Variants in NWD1 observed in about 807,000 individuals in gnomAD.
NWD1 encodes NACHT domain- and WD repeat-containing protein 1.
NWD1 carries 129 observed loss-of-function variants against 135.1 expected under a neutral mutation model. The ratio of observed to expected loss-of-function variants is 0.96; its 90% CI spans 0.83 to 1.11. The LOEUF is 1.11. Among genes scored for constraint, NWD1 ranks in the 50% least tolerant of loss-of-function variants. The pLI is 0.00. For synonymous variants in NWD1, 773 were observed against 786.0 expected (o/e 0.98, Z 0.28); for missense variants, 1,740 against 1,851.3 (o/e 0.94, Z 1.10).
At chr19:16,798,711 C>T (rs917592843) in intron 16 of NWD1, among the ~76,000 whole-genome samples, 2 of 152,152 alleles carry the variant, frequency 1.3e-5, no homozygotes, top group Non-Finnish European at 2.9e-5. Flanking sequence ...ACTGCAACCT[C>T]GACCTCCTGG....
In NWD1 at chr19:16,807,680, G is replaced by C. The variant is rs147149886; in HGVS notation, c.3831G>C (p.Gly1277=). The change falls in exon 18 of 19, where the codon GGG becomes GGC. Residue 1277 remains glycine (G), a synonymous_variant. Coordinates refer to ENST00000524140, the MANE Select transcript of NWD1 (RefSeq NM_001007525.5). ...TCCTATTTACGGGCCTCGTGTCGGG[G>C]GTCGTCCTTGTGTTCCCCCTGAATT... ...RKLLFTGLVS[G]VVLVFPLNSR... 5.5e-5 allele frequency: 89 copies of C among 1,611,748 alleles called. No homozygotes were observed. The African/African-American group carries it at 1.1e-3, about 20-fold the overall frequency.
At chr19:16,796,652 C>T (rs1970425513) in intron 15 of NWD1, among the ~76,000 whole-genome samples, 1 of 152,122 alleles carries the variant, frequency 6.6e-6, no homozygotes, top group Admixed American at 6.6e-5. Context: ...CTTCTTCCTT[C>T]CTTCTTCCCC....
At chr19:16,799,441 G>A (rs943267462) in intron 16 of NWD1, among the ~76,000 whole-genome samples, 5 of 152,102 alleles carry the variant, frequency 3.3e-5, no homozygotes, top group Non-Finnish European at 4.4e-5. Context: ...TGATCCACCC[G>A]CCTCAGCCTT....
intron 12 of NWD1, among the ~76,000 whole-genome samples, chr19:16,787,908 ATCATCATC>A (rs1568380819): frequency 0.11 from 11,784 of 102,994 alleles, 570 homozygotes; most frequent in Non-Finnish European, 0.14. Context: ...AATAATAATC[ATCATCATC>A]ATCATCATCA....
chr19:16,766,723 C>G (rs935788665), intron 10 of NWD1, among the ~76,000 whole-genome samples: 4 of 152,050 alleles, frequency 2.6e-5, no homozygotes, highest in Non-Finnish European at 5.9e-5. Context: ...GTAGCTGAGA[C>G]TACTGACATG....
intron 12 of NWD1, among the ~76,000 whole-genome samples, chr19:16,781,444 C>T (rs1194343958): frequency 1.3e-5 from 2 of 152,046 alleles, no homozygotes; most frequent in African/African-American, 2.4e-5. Context: ...GGTGAACCCA[C>T]ATCTCTACAA....
At chr19:16,738,898 A>T (rs1217669950) in intron 4 of NWD1, among the ~76,000 whole-genome samples, 2 of 124,888 alleles carry the variant, frequency 1.6e-5, no homozygotes, top group Non-Finnish European at 1.6e-5. Flanking sequence ...ATATATATAT[A>T]TTTCACTCCT....
At chr19:16,782,494 TG>T (rs1969891151) in intron 12 of NWD1, among the ~76,000 whole-genome samples, 1 of 150,152 alleles carries the variant, frequency 6.7e-6, no homozygotes, top group South Asian at 2.1e-4. Context: ...GAAAAATGGG[TG>T]GGGGTGGAGA....
intron 6 of NWD1, among the ~76,000 whole-genome samples, chr19:16,756,191 G>A (rs1568356355): frequency 6.6e-6 from 1 of 152,140 alleles, no homozygotes; most frequent in Non-Finnish European, 1.5e-5. Flanking sequence ...GGCGGAGGTT[G>A]CAGTGAGCCT....
At chr19:16,776,769 AAGTT>A (rs931565920) in intron 11 of NWD1, among the ~76,000 whole-genome samples, 1 of 143,168 alleles carries the variant, frequency 7.0e-6, no homozygotes, top group Non-Finnish European at 1.5e-5. Flanking sequence ...CCTCTACAAA[AAGTT>A]AAAAAAAAAA....
intron 8 of NWD1, among the ~76,000 whole-genome samples, chr19:16,763,294 T>C (rs949593051): frequency 1.3e-5 from 2 of 152,110 alleles, no homozygotes; most frequent in South Asian, 2.1e-4. Context: ...TGATTATGCC[T>C]CTTGTCTAAA....
intron 4 of NWD1, among the ~76,000 whole-genome samples, chr19:16,743,407 C>T (rs1968167000): frequency 6.6e-6 from 1 of 151,878 alleles, no homozygotes; most frequent in African/African-American, 2.4e-5. Context: ...TGGGGTCTCA[C>T]TATGTTGCCC....
chr19:16,741,068 G>A (rs572373171), intron 4 of NWD1, among the ~76,000 whole-genome samples: 57 of 152,270 alleles, frequency 3.7e-4, no homozygotes, highest in African/African-American at 1.3e-3. Flanking sequence ...GCTGAGGCAG[G>A]AGAATCACTT....
rs1173724768 is a variant in NWD1, at chr19:16,749,850, CT to C, written c.1209del (p.Ala404ProfsTer89). The C allele has an allele frequency of 1.2e-6, 2 of 1,612,564 alleles. No homozygotes were observed. Among genetic ancestry groups the C allele is most frequent in the Non-Finnish European group, 1.7e-6 (2 of 1,179,536 alleles). On this transcript the variant is annotated frameshift_variant, in exon 6 of 19. Coordinates refer to ENST00000524140, the MANE Select transcript of NWD1 (RefSeq NM_001007525.5). LOFTEE classifies it high-confidence loss of function. ...VCLAYGLPLP[P>X]AQVLDAHTRV... ...CTGGCCTATGGGCTGCCCTTGCCCC[CT>C]GCCCAGGTTCTGGACGCCCACACCA...
chr19:16,812,709 A>G, intron 18 of NWD1: 1 of 780,090 alleles, frequency 1.3e-6, no homozygotes, highest in Non-Finnish European at 2.4e-6. Flanking sequence ...CAAAAAACCC[A>G]AGAAAAAGAG....
chr19:16,735,398 C>G (rs550045947), intron 3 of NWD1, among the ~76,000 whole-genome samples: 2 of 150,446 alleles, frequency 1.3e-5, no homozygotes, highest in African/African-American at 2.5e-5. Context: ...CCCAGCTACT[C>G]GGGAGGCTGA....
intron 3 of NWD1, among the ~76,000 whole-genome samples, chr19:16,733,761 C>T (rs373313438): frequency 2.6e-5 from 4 of 151,708 alleles, no homozygotes; most frequent in Non-Finnish European, 5.9e-5. Context: ...TCCTCTGACG[C>T]GGATGCTGTC....
intron 12 of NWD1, among the ~76,000 whole-genome samples, chr19:16,781,231 C>G (rs1465413469): frequency 1.3e-5 from 2 of 152,150 alleles, no homozygotes; most frequent in Non-Finnish European, 2.9e-5. Flanking sequence ...AGACTAATCT[C>G]AAGGGTCCTC....
intron 2 of NWD1, among the ~76,000 whole-genome samples, chr19:16,727,918 T>C (rs1967393050): frequency 6.6e-6 from 1 of 151,882 alleles, no homozygotes. Context: ...AAAAATTAGC[T>C]GGGCGTAGTG....
Sources: allele counts gnomAD v4.1 joint callset (sites outside exome capture counted in the v4.1 genomes callset), GRCh38; gene constraint gnomAD v4.1.1; transcripts MANE v1.5; gene names NCBI Gene and HGNC (gene_info 2026-07-23, HGNC 2026-07-21).